Variants in RBFOX1 observed in about 807,000 individuals in gnomAD.
The protein encoded by RBFOX1 is RNA binding protein fox-1 homolog 1.
A neutral mutation model predicts 57.7 loss-of-function variants in RBFOX1; 8 were observed. The observed-to-expected ratio is 0.14, with a 90% CI of 0.08 to 0.25. RBFOX1 has a LOEUF of 0.25. Ranked by LOEUF, RBFOX1 falls within the 10% of genes least tolerant of loss-of-function variation. The pLI, the probability that RBFOX1 is intolerant of heterozygous loss-of-function variation, is 1.00. For synonymous variants in RBFOX1, 326 were observed against 222.4 expected (o/e 1.47, Z -4.15); for missense variants, 611 against 548.5 (o/e 1.11, Z -1.14).
intron 1 of RBFOX1, among the ~76,000 whole-genome samples, chr16:6,103,965 C>T (rs1054514256): frequency 2.0e-5 from 3 of 152,158 alleles, no homozygotes; most frequent in Non-Finnish European, 2.9e-5. Flanking sequence ...TGGGGCTCAG[C>T]CTCTGTGGTC....
intron 4 of RBFOX1, among the ~76,000 whole-genome samples, chr16:7,268,558 G>A (rs1489296915): frequency 2.6e-5 from 4 of 152,218 alleles, no homozygotes; most frequent in East Asian, 1.9e-4. Flanking sequence ...CTTGCTCTTT[G>A]CAGCTAATAA....
intron 4 of RBFOX1, among the ~76,000 whole-genome samples, chr16:7,098,251 C>G (rs1299231228): frequency 6.6e-6 from 1 of 152,200 alleles, no homozygotes; most frequent in East Asian, 1.9e-4. Context: ...CCCATTACAA[C>G]CTCCGCCTTC....
chr16:7,233,267 C>G (rs546583858), intron 4 of RBFOX1, among the ~76,000 whole-genome samples: 18 of 150,424 alleles, frequency 1.2e-4, no homozygotes, highest in Non-Finnish European at 1.8e-4. Context: ...TGTTTCTAAG[C>G]TGGCTCTATC....
At chr16:5,670,980 A>G (rs2049997035) in intron 3 of RBFOX1, among the ~76,000 whole-genome samples, 1 of 152,238 alleles carries the variant, frequency 6.6e-6, no homozygotes. Flanking sequence ...TGGCAGGGAC[A>G]GAATTCAGAC....
intron 4 of RBFOX1, among the ~76,000 whole-genome samples, chr16:7,270,988 A>C (rs2095306429): frequency 6.6e-6 from 1 of 152,158 alleles, no homozygotes; most frequent in Non-Finnish European, 1.5e-5. Context: ...ACACATGTGC[A>C]AGTTGGGGCC....
chr16:6,378,126 C>G (rs947225373), intron 2 of RBFOX1, among the ~76,000 whole-genome samples: 1 of 152,224 alleles, frequency 6.6e-6, no homozygotes, highest in Non-Finnish European at 1.5e-5. Context: ...TTTATCAAGA[C>G]CAGGCTGGAG....
At chr16:7,477,951 C>G (rs1026223859) in intron 4 of RBFOX1, among the ~76,000 whole-genome samples, 5 of 152,216 alleles carry the variant, frequency 3.3e-5, no homozygotes, top group African/African-American at 1.2e-4. Context: ...TGCACTCCCA[C>G]ACATAATTGA....
In RBFOX1 at chr16:7,695,507, G is replaced by T. The variant is rs562701700; in HGVS notation, c.996-13549G>T. 2.6e-5 allele frequency among the ~76,000 whole-genome samples: 4 copies of T among 152,090 alleles called. No homozygotes were observed. The South Asian group carries it at 6.2e-4, about 24-fold the overall frequency. On this transcript the variant is annotated intron_variant, in intron 14 of 15. Coordinates refer to ENST00000550418, the MANE Select transcript of RBFOX1 (RefSeq NM_018723.4). Reference sequence around the variant, plus strand: ...ATCTCTACTAAAAATACAAAAATTAGCCGGGTGTGGTGGCACATGCCTGTA... The same window carrying T: ...ATCTCTACTAAAAATACAAAAATTATCCGGGTGTGGTGGCACATGCCTGTA...
At chr16:7,304,365 C>T (rs929416558) in intron 4 of RBFOX1, 10 of 985,246 alleles carry the variant, frequency 1.0e-5, no homozygotes, top group Non-Finnish European at 1.1e-5. Context: ...CACTCGGGCT[C>T]GGCGGGCGCC....
At chr16:6,168,463 C>T (rs2096934077) in intron 1 of RBFOX1, among the ~76,000 whole-genome samples, 1 of 152,202 alleles carries the variant, frequency 6.6e-6, no homozygotes, top group African/African-American at 2.4e-5. Context: ...ATGCAGACTT[C>T]TGAACTTGGG....
At chr16:6,799,620 G>A (rs1450796426) in intron 3 of RBFOX1, among the ~76,000 whole-genome samples, 1 of 152,090 alleles carries the variant, frequency 6.6e-6, no homozygotes, top group East Asian at 1.9e-4. Context: ...AATCTGTGTT[G>A]GCACCATCCA....
At chr16:7,597,255 C>A in intron 8 of RBFOX1, 116 bp from the exon 9 acceptor site, 1 of 646,256 alleles carries the variant, frequency 1.5e-6, no homozygotes, top group Non-Finnish European at 2.6e-6. Context: ...AATTAAAATG[C>A]ATTTTACTTT....
At chr16:7,271,232 T>C (rs932373924) in intron 4 of RBFOX1, among the ~76,000 whole-genome samples, 4 of 152,120 alleles carry the variant, frequency 2.6e-5, no homozygotes, top group African/African-American at 9.7e-5. Flanking sequence ...TGCCTTTGTC[T>C]ACACGTGTTT....
intron 4 of RBFOX1, among the ~76,000 whole-genome samples, chr16:5,957,062 T>A (rs1193522680): frequency 2.6e-5 from 4 of 152,146 alleles, no homozygotes; most frequent in Non-Finnish European, 2.9e-5. Flanking sequence ...AATTGGTGAA[T>A]TACTTTAAGT....
chr16:5,429,087 C>A (rs1279031303), intron 1 of RBFOX1, among the ~76,000 whole-genome samples: 2 of 152,134 alleles, frequency 1.3e-5, no homozygotes, highest in Non-Finnish European at 2.9e-5. Context: ...ACCAGGAAAA[C>A]CAGCCCTGCA....
At chr16:6,997,196 T>C (rs1371347184) in intron 3 of RBFOX1, among the ~76,000 whole-genome samples, 1 of 152,118 alleles carries the variant, frequency 6.6e-6, no homozygotes, top group Non-Finnish European at 1.5e-5. Flanking sequence ...TTTCCCCCAA[T>C]AACTTTAAGG....
intron 1 of RBFOX1, among the ~76,000 whole-genome samples, chr16:5,396,466 C>G (rs1184967398): frequency 1.3e-5 from 2 of 152,050 alleles, no homozygotes; most frequent in African/African-American, 2.4e-5. Flanking sequence ...CATGGCAAAA[C>G]CCCATCTCTA....
intron 1 of RBFOX1, among the ~76,000 whole-genome samples, chr16:5,340,678 G>A (rs1252573342): frequency 1.3e-5 from 2 of 152,208 alleles, no homozygotes; most frequent in African/African-American, 4.8e-5. Context: ...TATAGACATG[G>A]AGCAGCAGCT....
intron 15 of RBFOX1, 117 bp from the exon 16 acceptor site, chr16:7,710,506 G>C (rs148966356): frequency 1.9e-4 from 301 of 1,570,252 alleles, no homozygotes; most frequent in Middle Eastern, 1.2e-3. Context: ...GATGGGTAGG[G>C]GGTGCCTCCA....
Sources: gnomAD v4.1 joint callset for allele counts (sites outside exome capture counted in the v4.1 genomes callset) on GRCh38, gnomAD v4.1.1 for gene constraint, MANE v1.5 for transcripts, NCBI Gene and HGNC (gene_info 2026-07-23, HGNC 2026-07-21) for gene names.